The following ELP3 variants were observed in gnomAD, a reference collection of about 807,000 sequenced individuals.
ELP3 encodes the protein elongator acetyltransferase complex subunit 3.
ELP3 carries 56 observed loss-of-function variants against 74.9 expected under a neutral mutation model. The ratio of observed to expected loss-of-function variants is 0.75; its 90% CI spans 0.60 to 0.93. The LOEUF is 0.93. Among genes scored for constraint, ELP3 ranks in the 40% least tolerant of loss-of-function variants. The pLI is 0.00. For synonymous variants in ELP3, 222 were observed against 239.8 expected (o/e 0.93, Z 0.68); for missense variants, 573 against 686.5 (o/e 0.83, Z 1.85).
intron 10 of ELP3, among the ~76,000 whole-genome samples, chr8:28,148,749 T>C (rs1251428530): frequency 1.3e-5 from 2 of 152,246 alleles, no homozygotes; most frequent in Admixed American, 1.3e-4. Context: ...GCACTTGGTT[T>C]CAACATATTC....
At chr8:28,131,451 G>C (rs570838769) in intron 8 of ELP3, among the ~76,000 whole-genome samples, 1 of 152,332 alleles carries the variant, frequency 6.6e-6, no homozygotes, top group African/African-American at 2.4e-5. Context: ...GAGAGGCCTG[G>C]CCTTGTCCTA....
intron 7 of ELP3, among the ~76,000 whole-genome samples, chr8:28,123,409 T>A (rs140149830): frequency 6.6e-6 from 1 of 152,214 alleles, no homozygotes; most frequent in Non-Finnish European, 1.5e-5. Context: ...TGTTTTAAAA[T>A]TTATTGAGAC....
At chr8:28,153,632 T>G (rs887904947) in intron 10 of ELP3, among the ~76,000 whole-genome samples, 6 of 152,128 alleles carry the variant, frequency 3.9e-5, no homozygotes, top group Admixed American at 3.9e-4. Flanking sequence ...TCCTGTTGGT[T>G]GAGAGATGGG....
intron 1 of ELP3, chr8:28,093,643 A>G: frequency 4.7e-6 from 1 of 211,840 alleles, no homozygotes; most frequent in Non-Finnish European, 9.7e-6. Flanking sequence ...TTATCCTTGG[A>G]TTCAGTGTAA....
At chr8:28,161,891 A>C in intron 13 of ELP3, 106 bp from the exon 14 acceptor site, 2 of 1,075,536 alleles carry the variant, frequency 1.9e-6, no homozygotes, top group East Asian at 4.9e-5. Flanking sequence ...TTCACTCTTA[A>C]CAGATTTTAG....
rs1814009103 is a variant in ELP3 at position 28,160,104 on chromosome 8, A to G, written c.1258-125A>G. ...TGAGAGTAGACAAGTAAAAAGAAACATAATTAGTGATTATTCATTCCTTAT... is the reference window on the plus strand; with the variant it reads ...TGAGAGTAGACAAGTAAAAAGAAACGTAATTAGTGATTATTCATTCCTTAT... On this transcript the variant is annotated intron_variant, in intron 12 of 14. Transcript: ENST00000256398. 4.7e-6 allele frequency: 4 copies of G among 843,890 alleles called. No individual in the cohort carries two copies. The African/African-American group carries it at 5.2e-5, about 11-fold the overall frequency. 52.3% of individuals were successfully genotyped at this position (843,890 alleles called of 1,614,324 possible). A position where few individuals can be genotyped will look rare whatever the true frequency, so the allele number is the denominator to read the frequency against.
At chr8:28,149,764 A>G (rs1215019706) in intron 10 of ELP3, among the ~76,000 whole-genome samples, 2 of 151,984 alleles carry the variant, frequency 1.3e-5, no homozygotes, top group African/African-American at 4.8e-5. Flanking sequence ...TAGATTTTTT[A>G]TTTTAGATTA....
intron 7 of ELP3, among the ~76,000 whole-genome samples, chr8:28,114,952 A>G (rs1444665878): frequency 1.3e-5 from 2 of 152,154 alleles, no homozygotes; most frequent in East Asian, 3.8e-4. Context: ...GATTACATCC[A>G]TCCCTGCTCA....
intron 14 of ELP3, among the ~76,000 whole-genome samples, chr8:28,187,179 T>C (rs1053393263): frequency 2.0e-5 from 3 of 152,204 alleles, no homozygotes; most frequent in Non-Finnish European, 4.4e-5. Flanking sequence ...TTCTTTTCAC[T>C]CTGCCTTCCA....
intron 5 of ELP3, among the ~76,000 whole-genome samples, chr8:28,109,810 C>T (rs952652965): frequency 6.6e-6 from 1 of 152,172 alleles, no homozygotes; most frequent in Non-Finnish European, 1.5e-5. Context: ...AGGTTTGGAG[C>T]ATTTTTGATT....
chr8:28,140,212 G>T (rs1156602360), intron 10 of ELP3, among the ~76,000 whole-genome samples: 1 of 151,370 alleles, frequency 6.6e-6, no homozygotes, highest in African/African-American at 2.4e-5. Flanking sequence ...CTAGATCTTG[G>T]TCTCTAAATG....
At position 28,189,772 on chromosome 8, in the gene ELP3, C is replaced by T. The variant is rs1815385541; in HGVS notation, c.*47C>T. On this transcript the variant is annotated 3_prime_UTR_variant, in exon 15 of 15. Coordinates refer to ENST00000256398, the MANE Select transcript of ELP3 (RefSeq NM_018091.6). The stretch of plus-strand genomic sequence containing the variant: ...CTGCAGTATCCTCCCTGGCAGAACA[C>T]GGAGAATCAGGATTTCTTAAATACT... 2.4e-5 allele frequency: 38 copies of T among 1,570,394 alleles called. No individual in the cohort carries two copies. The highest frequency in any genetic ancestry group is 4.0e-5 in the African/African-American group (3 of 74,164).
intron 3 of ELP3, among the ~76,000 whole-genome samples, chr8:28,103,313 A>G (rs1811565655): frequency 6.6e-6 from 1 of 152,190 alleles, no homozygotes; most frequent in South Asian, 2.1e-4. Context: ...CATGTACAGT[A>G]ATTGGAATCA....
At chr8:28,101,296 T>C (rs997249022) in intron 3 of ELP3, among the ~76,000 whole-genome samples, 11 of 150,488 alleles carry the variant, frequency 7.3e-5, no homozygotes, top group African/African-American at 2.7e-4. Context: ...GGCGGGGGCC[T>C]GTAGTCCCAG....
chr8:28,115,562 T>G (rs1281376529), intron 7 of ELP3, among the ~76,000 whole-genome samples: 2 of 152,196 alleles, frequency 1.3e-5, no homozygotes, highest in Non-Finnish European at 2.9e-5. Flanking sequence ...TCATGGGTGT[T>G]TAATATTCAC....
intron 7 of ELP3, among the ~76,000 whole-genome samples, chr8:28,117,424 T>C (rs1390482243): frequency 6.6e-6 from 1 of 152,222 alleles, no homozygotes; most frequent in Non-Finnish European, 1.5e-5. Context: ...CAGATCATGA[T>C]GTGTTTGTAG....
intron 7 of ELP3, among the ~76,000 whole-genome samples, chr8:28,125,759 C>CTTTTTTTTTTTTTTTTTTTTTTTT (rs755484214): frequency 2.2e-5 from 2 of 92,182 alleles, no homozygotes; most frequent in African/African-American, 4.4e-5. Context: ...AGTCATTTCT[C>CTTTTTTTTTTTTTTTTTTTTTTTT]TTTTTTTTTT....
At chr8:28,177,042 AT>A (rs917448297) in intron 14 of ELP3, among the ~76,000 whole-genome samples, 5 of 152,200 alleles carry the variant, frequency 3.3e-5, no homozygotes, top group Non-Finnish European at 7.3e-5. Flanking sequence ...AAATTACCTA[AT>A]TTTATTCTTT....
chr8:28,115,493 G>A (rs1812092619), intron 7 of ELP3, among the ~76,000 whole-genome samples: 1 of 152,176 alleles, frequency 6.6e-6, no homozygotes, highest in African/African-American at 2.4e-5. Flanking sequence ...AAAGGACATG[G>A]GAAATGGCAG....
Sources: gnomAD v4.1 joint callset for allele counts (sites outside exome capture counted in the v4.1 genomes callset) on GRCh38, gnomAD v4.1.1 for gene constraint, MANE v1.5 for transcripts, NCBI Gene and HGNC (gene_info 2026-07-23, HGNC 2026-07-21) for gene names.